RCC1L: variants seen among roughly 807,000 people sequenced by gnomAD.
The protein encoded by RCC1L is RCC1 like.
RCC1L carries 46 observed loss-of-function variants against 58.6 expected under a neutral mutation model. That is an observed-to-expected ratio of 0.79 (90% CI 0.62 to 1.00). RCC1L has a LOEUF of 1.00. RCC1L is among the 50% of genes least tolerant of loss of function. The pLI is 0.00. For synonymous variants in RCC1L, 281 were observed against 262.9 expected, an observed-to-expected ratio of 1.07 and a Z score of -0.67; for missense variants, 636 against 623.6, an observed-to-expected ratio of 1.02 and a Z score of -0.21.
chr7:75,057,081 C>T (rs1806104889), intron 8 of RCC1L, among the ~76,000 whole-genome samples: 1 of 152,168 alleles, frequency 6.6e-6, no homozygotes, highest in Non-Finnish European at 1.5e-5. Flanking sequence ...CCAAGCAATC[C>T]TCCCACCTTA....
In RCC1L at chr7:75,066,575, G is replaced by A. The variant is rs933710821; in HGVS notation, c.583+89C>T. On this transcript the variant is annotated intron_variant, in intron 3 of 10. Transcript: ENST00000610322. ...TTCACTCATTAGATGTGGCTCAATC[G>A]ATCAAGCCACTCAGGCCTGATTTGA... 9 of 1,569,466 alleles carry A rather than the reference G, an allele frequency of 5.7e-6. No homozygotes were observed. In the East Asian group the frequency reaches 9.2e-5, roughly 16 times the overall value.
intron 10 of RCC1L, 95 bp from the exon 11 acceptor site, chr7:75,043,204 G>A: frequency 7.2e-7 from 1 of 1,389,284 alleles, no homozygotes; most frequent in South Asian, 1.2e-5. Context: ...CTCTCAGTAG[G>A]AGACTCAGTA....
At chr7:75,045,930 C>T (rs1805706715) in intron 10 of RCC1L, among the ~76,000 whole-genome samples, 2 of 152,252 alleles carry the variant, frequency 1.3e-5, no homozygotes, top group East Asian at 1.9e-4. Context: ...TTCGACCACC[C>T]TCCCCTGGTG....
At chr7:75,033,071 C>CAAAAAAAAA (rs71098024) in intron 10 of RCC1L, among the ~76,000 whole-genome samples, 1 of 70,138 alleles carries the variant, frequency 1.4e-5, no homozygotes, top group African/African-American at 6.1e-5. Context: ...GACTTTGTCT[C>CAAAAAAAAA]AAAAAAAAAA....
At position 75,073,559 on chromosome 7, in the gene RCC1L, C is replaced by A. The variant is rs1016437259; in HGVS notation, c.179G>T (p.Arg60Leu). The A allele has an allele frequency of 4.0e-6, 6 of 1,508,616 alleles. No homozygotes were observed. The highest frequency in any genetic ancestry group is 3.5e-6 in the Non-Finnish European group (4 of 1,137,006). 93.5% of individuals were successfully genotyped at this position (1,508,616 alleles called of 1,614,324 possible). ...YVGERAARAD[R>L]VFVWGFSFSG... ...GAAGCTGAAGCCCCACACGAAGACG[C>A]GATCGGCGCGGGCAGCGCGCTCGCC... The change falls in exon 1 of 11, where the codon CGC (arginine) becomes CTC (leucine). Residue 60 changes from arginine (R) to leucine (L), a missense_variant. By Grantham distance (102) the Arg-to-Leu change is moderately radical. Coordinates refer to ENST00000610322, the MANE Select transcript of RCC1L (RefSeq NM_030798.5).
intron 10 of RCC1L, among the ~76,000 whole-genome samples, chr7:75,052,261 C>A (rs1006888987): frequency 6.6e-6 from 1 of 152,190 alleles, no homozygotes; most frequent in Non-Finnish European, 1.5e-5. Flanking sequence ...CAGCTTCTAG[C>A]GTGCCAACTT....
Position 75,057,757 on chromosome 7 carries a change from A to T in RCC1L, c.970-141T>A. 5.1e-6 allele frequency: 4 copies of T among 789,736 alleles called. No individual in the cohort carries two copies. The South Asian group carries it at 5.8e-5, about 11-fold the overall frequency. 48.9% of individuals were successfully genotyped at this position (789,736 alleles called of 1,614,324 possible). Reference sequence around the variant, plus strand: ...ACTTCCTGAACATCACATGCCAAGCATCATACTAGGTGCTGGGGTAGAATG... The same window carrying T: ...ACTTCCTGAACATCACATGCCAAGCTTCATACTAGGTGCTGGGGTAGAATG... On this transcript the variant is annotated intron_variant, in intron 7 of 10. Coordinates refer to ENST00000610322, the MANE Select transcript of RCC1L (RefSeq NM_030798.5).
At chr7:75,037,505 T>TC (rs1805454877), downstream of RCC1L, among the ~76,000 whole-genome samples, 1 of 140,168 alleles carries the variant, frequency 7.1e-6, no homozygotes, top group East Asian at 2.1e-4. Flanking sequence ...GTTTATATCT[T>TC]TTTTTTTTTT....
At chr7:75,031,934 G>A (rs1356687543) in intron 10 of RCC1L, among the ~76,000 whole-genome samples, 3 of 152,308 alleles carry the variant, frequency 2.0e-5, no homozygotes, top group East Asian at 3.9e-4. Flanking sequence ...GCCAACCCAC[G>A]GGGCTGCTTG....
intron 3 of RCC1L, 138 bp from the exon 4 acceptor site, chr7:75,064,786 C>A: frequency 2.2e-6 from 2 of 918,798 alleles, no homozygotes; most frequent in Non-Finnish European, 3.6e-6. Context: ...TTTCCTTCTC[C>A]AACTTTCTCA....
chr7:75,035,832 C>G (rs1337320790), intron 10 of RCC1L, among the ~76,000 whole-genome samples: 1 of 151,826 alleles, frequency 6.6e-6, no homozygotes, highest in South Asian at 2.1e-4. Flanking sequence ...TGAGGTCCCC[C>G]CATCTCTACA....
chr7:75,053,244 GTGGACA>G (rs1805974478), intron 9 of RCC1L, among the ~76,000 whole-genome samples: 2 of 111,352 alleles, frequency 1.8e-5, no homozygotes, highest in African/African-American at 3.1e-5. Flanking sequence ...TCTGGGGGTG[GTGGACA>G]GGTCTGGGGG....
downstream of RCC1L, among the ~76,000 whole-genome samples, chr7:75,041,210 T>A (rs1805553302): frequency 8.1e-6 from 1 of 123,754 alleles, no homozygotes; most frequent in African/African-American, 3.1e-5. Context: ...CGAGACTCCA[T>A]CTCATAACTA....
intron 10 of RCC1L, among the ~76,000 whole-genome samples, chr7:75,043,447 G>A (rs1334969660): frequency 3.3e-5 from 5 of 152,198 alleles, no homozygotes; most frequent in African/African-American, 1.2e-4. Flanking sequence ...GGGCCTGTGT[G>A]CATCCCTGGA....
chr7:75,037,549 G>A (rs1805456140), downstream of RCC1L, among the ~76,000 whole-genome samples: 1 of 146,196 alleles, frequency 6.8e-6, no homozygotes, highest in South Asian at 2.1e-4. Flanking sequence ...CTGTCTCCCA[G>A]GCTGGAGTGC....
Position 75,054,736 on chromosome 7 carries a change from C to T in RCC1L, c.1231+1165G>A, listed in dbSNP as rs1055063397. Among the ~76,000 whole-genome samples, 884 of 152,194 alleles carry T rather than the reference C, an allele frequency of 5.8e-3. 7 individuals carry two copies. The highest frequency in any genetic ancestry group is 0.033 in the South Asian group (159 of 4,824). On this transcript the variant is annotated intron_variant, in intron 9 of 10. Transcript: ENST00000610322. ...GGCGGAGGTTGCAGTGAGCCAAGAT[C>T]GCGCCATTGCACTCCAGCCTGGGCA...
Position 75,058,695 on chromosome 7 carries a change from C to A in RCC1L, c.862G>T (p.Val288Phe). 1 of 1,613,994 alleles carries A rather than the reference C, an allele frequency of 6.2e-7. No homozygotes were observed. The highest frequency in any genetic ancestry group is 8.5e-7 in the Non-Finnish European group (1 of 1,179,862). The change falls in exon 7 of 11, where the codon GTT (valine) becomes TTT (phenylalanine). Residue 288 changes from valine to phenylalanine, a missense_variant. Val to Phe is a conservative substitution (Grantham distance 50). Coordinates refer to ENST00000610322, the MANE Select transcript of RCC1L (RefSeq NM_030798.5). The stretch of plus-strand genomic sequence containing the variant: ...AGGCAGCAATCACCGTAGGTGGCAA[C>A]TTGGATAACGTTCACTCCCGCCAGG... ...GDLAGVNVIQ[V>F]ATYGDCCLAV...
At chr7:75,046,657 AG>A (rs1310138668) in intron 10 of RCC1L, among the ~76,000 whole-genome samples, 1 of 152,224 alleles carries the variant, frequency 6.6e-6, no homozygotes, top group Admixed American at 6.5e-5. Context: ...GTCCTAGGCA[AG>A]GTTAAATGGC....
intron 10 of RCC1L, among the ~76,000 whole-genome samples, chr7:75,044,472 G>A (rs1418782955): frequency 1.3e-4 from 19 of 151,582 alleles, no homozygotes; most frequent in South Asian, 1.0e-3. Flanking sequence ...GGTGGCGCAC[G>A]CCTATAACCC....
Sources: allele counts gnomAD v4.1 joint callset (sites outside exome capture counted in the v4.1 genomes callset), GRCh38; gene constraint gnomAD v4.1.1; transcripts MANE v1.5; gene names NCBI Gene and HGNC (gene_info 2026-07-23, HGNC 2026-07-21).